COL25A1: variants seen among roughly 807,000 people sequenced by gnomAD.
COL25A1 encodes collagen alpha-1(XXV) chain.
In COL25A1, 103 loss-of-function variants were observed where a neutral mutation model predicts 128.4. That is an observed-to-expected ratio of 0.80 (90% confidence interval 0.68 to 0.94). The LOEUF is 0.94. Among genes scored for constraint, COL25A1 ranks in the 40% least tolerant of loss-of-function variants. The probability of loss-of-function intolerance (pLI) is 0.00; values close to 1 mark genes in which losing one functional copy is unlikely to be tolerated. For synonymous variants in COL25A1, 279 were observed against 277.2 expected (o/e 1.01, Z -0.06); for missense variants, 745 against 840.0 (o/e 0.89, Z 1.40).
intron 3 of COL25A1, among the ~76,000 whole-genome samples, chr4:109,188,346 G>A (rs192153224): frequency 7.9e-5 from 12 of 152,284 alleles, no homozygotes; most frequent in African/African-American, 2.9e-4. Context: ...GGGAACACGT[G>A]GTGGTGCTCT....
chr4:109,162,451 G>A (rs1357130164), intron 3 of COL25A1, among the ~76,000 whole-genome samples: 1 of 152,170 alleles, frequency 6.6e-6, no homozygotes, highest in Non-Finnish European at 1.5e-5. Flanking sequence ...AGATTCTCAA[G>A]ACACCTGCAA....
intron 5 of COL25A1, among the ~76,000 whole-genome samples, chr4:109,041,477 TA>T (rs1759889614): frequency 6.6e-6 from 1 of 152,126 alleles, no homozygotes; most frequent in East Asian, 1.9e-4. Flanking sequence ...GAGACCACAT[TA>T]TTCCCAAGTG....
At chr4:109,282,350 C>T (rs1723456184) in intron 3 of COL25A1, among the ~76,000 whole-genome samples, 2 of 152,086 alleles carry the variant, frequency 1.3e-5, no homozygotes, top group African/African-American at 4.8e-5. Context: ...AAAGATACTC[C>T]TTTGATCTTA....
chr4:109,087,083 T>C (rs1320460093), intron 3 of COL25A1, among the ~76,000 whole-genome samples: 1 of 152,108 alleles, frequency 6.6e-6, no homozygotes, highest in East Asian at 1.9e-4. Flanking sequence ...AATACGGACC[T>C]GCCTATCAAC....
rs372489419 is a variant in COL25A1 at position 108,832,428 on chromosome 4, T to A, written c.1662A>T (p.Thr554=). ...GGCCATGGGGTCCCATAGGACCATC[T>A]GTACCCTAAAAAAAAGATAATATGA... The part of the protein sequence containing the change: ...GPHGLPGPKG[T]DGPMGPHGPA... Residue 554 remains threonine, a synonymous_variant, in exon 32 of 38, where the codon ACA becomes ACT. Coordinates refer to ENST00000399132, the MANE Select transcript of COL25A1 (RefSeq NM_198721.4). 5.1e-5 allele frequency: 81 copies of A among 1,601,764 alleles called. No individual in the cohort carries two copies. The highest frequency in any genetic ancestry group is 6.8e-5 in the Non-Finnish European group (80 of 1,172,714).
At chr4:108,968,373 A>C (rs1214174453) in intron 8 of COL25A1, among the ~76,000 whole-genome samples, 1 of 152,158 alleles carries the variant, frequency 6.6e-6, no homozygotes, top group Non-Finnish European at 1.5e-5. Flanking sequence ...TACTTAACAA[A>C]AGATATTCCT....
intron 3 of COL25A1, among the ~76,000 whole-genome samples, chr4:109,057,026 A>C (rs1362503216): frequency 6.6e-6 from 1 of 152,182 alleles, no homozygotes; most frequent in African/African-American, 2.4e-5. Context: ...CAACCAGCTA[A>C]GTTTTTTATT....
intron 3 of COL25A1, among the ~76,000 whole-genome samples, chr4:109,052,177 G>C (rs1456022269): frequency 6.6e-6 from 1 of 151,918 alleles, no homozygotes; most frequent in Admixed American, 6.6e-5. Context: ...GAAATAACTT[G>C]AATAAATTTT....
intron 13 of COL25A1, among the ~76,000 whole-genome samples, chr4:108,906,347 G>A (rs999097708): frequency 6.6e-6 from 1 of 151,972 alleles, no homozygotes; most frequent in East Asian, 1.9e-4. Flanking sequence ...GATAGCTATA[G>A]GATTGCTCTC....
chr4:108,877,938 G>A (rs1739656019), intron 19 of COL25A1, among the ~76,000 whole-genome samples: 1 of 151,992 alleles, frequency 6.6e-6, no homozygotes, highest in African/African-American at 2.4e-5. Context: ...ATGGTTATTG[G>A]GACAGTTCAC....
intron 5 of COL25A1, among the ~76,000 whole-genome samples, chr4:109,013,484 C>CCACACTGTGTAGGCTTTGTTCTT (rs147087826): frequency 0.51 from 76,726 of 151,008 alleles, 22,201 homozygotes; most frequent in African/African-American, 0.77. Flanking sequence ...GAGTCCCCTT[C>CCACACTGTGTAGGCTTTGTTCTT]CACACTGTGT....
At chr4:108,899,653 G>A (rs1239508810) in intron 14 of COL25A1, among the ~76,000 whole-genome samples, 1 of 152,018 alleles carries the variant, frequency 6.6e-6, no homozygotes, top group South Asian at 2.1e-4. Context: ...AATCTGTCTT[G>A]CCCTAACATG....
At chr4:109,141,465 G>C (rs1405277351) in intron 3 of COL25A1, among the ~76,000 whole-genome samples, 1 of 152,130 alleles carries the variant, frequency 6.6e-6, no homozygotes, top group East Asian at 1.9e-4. Flanking sequence ...AGTTAGGGGA[G>C]ATTCCTTCTT....
At chr4:109,275,856 AAT>A (rs1722788683) in intron 3 of COL25A1, among the ~76,000 whole-genome samples, 1 of 152,166 alleles carries the variant, frequency 6.6e-6, no homozygotes, top group South Asian at 2.1e-4. Context: ...CTGATGCCAA[AAT>A]GGCAAGAGGC....
chr4:108,997,543 G>T (rs1275750780), intron 6 of COL25A1, among the ~76,000 whole-genome samples: 2 of 152,116 alleles, frequency 1.3e-5, no homozygotes, highest in Admixed American at 1.3e-4. Context: ...TCTACCAGAG[G>T]TACAAAGAGG....
intron 13 of COL25A1, among the ~76,000 whole-genome samples, chr4:108,912,131 G>A (rs539056683): frequency 6.6e-6 from 1 of 152,242 alleles, no homozygotes; most frequent in East Asian, 1.9e-4. Flanking sequence ...GTAAAATTGA[G>A]TGAAAAATGT....
At chr4:109,038,424 C>T (rs1055295947) in intron 5 of COL25A1, among the ~76,000 whole-genome samples, 1 of 152,202 alleles carries the variant, frequency 6.6e-6, no homozygotes, top group Non-Finnish European at 1.5e-5. Context: ...GTTCCCACAA[C>T]CGCATGACCA....
intron 14 of COL25A1, 51 bp from the exon 15 acceptor site, chr4:108,899,231 T>C (rs1434944058): frequency 1.3e-6 from 2 of 1,498,452 alleles, no homozygotes; most frequent in East Asian, 2.3e-5. Flanking sequence ...AACACCTAAT[T>C]TTATTATCAT....
At chr4:109,119,846 A>T (rs1767958242) in intron 3 of COL25A1, among the ~76,000 whole-genome samples, 1 of 152,076 alleles carries the variant, frequency 6.6e-6, no homozygotes, top group South Asian at 2.1e-4. Context: ...AAAGCCTATC[A>T]ATCAATATCT....
Sources: allele counts gnomAD v4.1 joint callset (sites outside exome capture counted in the v4.1 genomes callset), GRCh38; gene constraint gnomAD v4.1.1; transcripts MANE v1.5; gene names NCBI Gene and HGNC (gene_info 2026-07-23, HGNC 2026-07-21).